The following PIK3C2A variants were observed in gnomAD, a reference collection of about 807,000 sequenced individuals.
PIK3C2A encodes the protein phosphatidylinositol 4-phosphate 3-kinase C2 domain-containing subunit alpha.
In PIK3C2A, 97 loss-of-function variants were observed where a neutral mutation model predicts 204.5. The ratio of observed to expected loss-of-function variants is 0.47; its 90% CI spans 0.40 to 0.56. The LOEUF (loss-of-function observed/expected upper bound fraction) is 0.56. PIK3C2A is among the 20% of genes least tolerant of loss of function. The probability of loss-of-function intolerance (pLI) is 0.00; values close to 1 mark genes in which losing one functional copy is unlikely to be tolerated. For missense variants in PIK3C2A, 1,735 were observed against 1,969.2 expected, an observed-to-expected ratio of 0.88 and a Z score of 2.25; for synonymous variants, 653 against 664.4, an observed-to-expected ratio of 0.98 and a Z score of 0.26.
chr11:17,147,777 A>T, intron 5 of PIK3C2A, 149 bp from the exon 6 acceptor site: 1 of 580,774 alleles, frequency 1.7e-6, no homozygotes, highest in Non-Finnish European at 3.0e-6. Flanking sequence ...TTAAACAGAG[A>T]AATTATTCTG....
intron 1 of PIK3C2A, among the ~76,000 whole-genome samples, chr11:17,192,230 T>C (rs143569047): frequency 2.8e-4 from 43 of 152,306 alleles, no homozygotes; most frequent in African/African-American, 1.0e-3. Context: ...TTGAAGATGC[T>C]CTTTGGGGAA....
At chr11:17,204,098 T>A (rs1319064323) in intron 1 of PIK3C2A, among the ~76,000 whole-genome samples, 1 of 149,756 alleles carries the variant, frequency 6.7e-6, no homozygotes, top group Admixed American at 6.7e-5. Context: ...AAAAGAGAGA[T>A]CCTCCTGCCT....
chr11:17,087,386 ATG>A lies in PIK3C2A; in HGVS notation c.*2350_*2351del, dbSNP rs1220055253. On this transcript the variant is annotated 3_prime_UTR_variant, in exon 33 of 33. Transcript: ENST00000691414. ...AAGAAATAAACTATATGTAAAATGT[ATG>A]TGTGTTTGAATGAGTAAAGAAGGCA... 3 of 152,200 alleles carry A rather than the reference ATG, an allele frequency of 2.0e-5. No homozygotes were observed. The East Asian group carries it at 5.8e-4, about 29-fold the overall frequency. The allele number at this position is 152,200 out of a possible 1,614,324, so 9.4% of individuals were successfully genotyped here.
At chr11:17,123,110 GA>G (rs2137352245) in intron 13 of PIK3C2A, among the ~76,000 whole-genome samples, 1 of 152,274 alleles carries the variant, frequency 6.6e-6, no homozygotes, top group Non-Finnish European at 1.5e-5. Flanking sequence ...ACAACTTCTA[GA>G]AATAGGAAGT....
At position 17,089,808 on chromosome 11, in the gene PIK3C2A, G is replaced by A. The variant is rs769511599; in HGVS notation, c.4991C>T (p.Pro1664Leu). The change falls in exon 33 of 33, where the codon CCT becomes CTT. Residue 1664 changes from proline to leucine, a missense_variant. Coordinates refer to ENST00000691414, the MANE Select transcript of PIK3C2A (RefSeq NM_002645.4). ...TTTGCTCAAGTTGAAATCTTTCAAA[G>A]GCAGGGTTACTCCACCCAAGAAAAA... ...ENFFLGGVTL[P>L]LKDFNLSKET... is the part of the protein sequence containing the mutation. The A allele has an allele frequency of 2.5e-6, 4 of 1,613,916 alleles. No individual in the cohort carries two copies. In the South Asian group the frequency reaches 4.4e-5, roughly 18 times the overall value.
intron 1 of PIK3C2A, among the ~76,000 whole-genome samples, chr11:17,178,724 T>C (rs1406713121): frequency 7.3e-6 from 1 of 137,104 alleles, no homozygotes; most frequent in Non-Finnish European, 1.6e-5. Context: ...TTTTTTTTTT[T>C]TTTTTTTTTT....
intron 1 of PIK3C2A, chr11:17,194,173 C>T: frequency 6.0e-6 from 4 of 668,468 alleles, no homozygotes; most frequent in Non-Finnish European, 8.5e-6. Flanking sequence ...CTTGTGCCCG[C>T]ATTGCCAAGG....
chr11:17,119,059 A>G (rs1291043469), intron 17 of PIK3C2A, among the ~76,000 whole-genome samples, 161 bp downstream of exon 17: 1 of 152,242 alleles, frequency 6.6e-6, no homozygotes, highest in Non-Finnish European at 1.5e-5. Flanking sequence ...GCAGATGACA[A>G]TAGTGGGGAA....
At position 17,136,560 on chromosome 11, in the gene PIK3C2A, A is replaced by G. The variant is rs747242700; in HGVS notation, c.1770T>C (p.Gly590=). 3 of 1,600,596 alleles carry G rather than the reference A, an allele frequency of 1.9e-6. No homozygotes were observed. The Admixed American group carries it at 5.0e-5, about 27-fold the overall frequency. The change falls in exon 9 of 33, where the codon GGT becomes GGC. Residue 590 remains glycine, a synonymous_variant. Transcript: ENST00000691414. ...AVRKICSALD[G]VETLAITESV... ...ATTCTGTAATGGCAAGAGTCTCGAC[A>G]CCATCTAAAGCACTACAGATTTTTC...
intron 21 of PIK3C2A, among the ~76,000 whole-genome samples, chr11:17,111,563 A>G (rs1393350546): frequency 6.6e-6 from 1 of 152,138 alleles, no homozygotes; most frequent in Non-Finnish European, 1.5e-5. Context: ...GAAAAGAATA[A>G]GGAGAATTTG....
intron 22 of PIK3C2A, among the ~76,000 whole-genome samples, chr11:17,107,673 T>C (rs1462715245): frequency 2.0e-5 from 3 of 152,208 alleles, no homozygotes; most frequent in Non-Finnish European, 4.4e-5. Context: ...AAAATATTAA[T>C]TGATACATTT....
chr11:17,199,593 T>C (rs889224640), intron 1 of PIK3C2A, among the ~76,000 whole-genome samples: 1 of 152,200 alleles, frequency 6.6e-6, no homozygotes, highest in Non-Finnish European at 1.5e-5. Context: ...CACAAAAGGC[T>C]AAATATTACA....
chr11:17,104,932 G>GC (rs1848758923), intron 23 of PIK3C2A, among the ~76,000 whole-genome samples: 1 of 151,964 alleles, frequency 6.6e-6, no homozygotes, highest in Non-Finnish European at 1.5e-5. Context: ...TGTTTTGCTG[G>GC]CCTCTAAGTA....
At chr11:17,157,415 G>C (rs149348813) in intron 2 of PIK3C2A, among the ~76,000 whole-genome samples, 3,298 of 145,080 alleles carry the variant, frequency 0.023, 133 homozygotes, top group African/African-American at 0.081. Context: ...AGCTGAGATC[G>C]TGCCACTGCA....
In PIK3C2A at chr11:17,094,259, AC is replaced by A; in HGVS notation, c.4451+1del. On this transcript the variant is annotated splice_donor_variant, in intron 28 of 32. Transcript: ENST00000691414. LOFTEE classifies it high-confidence loss of function. ...GATTAATGTACAAGGATGAATACAT[AC>A]CCTGGTAACTTCCAAAGTGGAAAAA... 6.2e-7 allele frequency: 1 copy of A among 1,606,008 alleles called. No homozygotes were observed.
chr11:17,191,295 C>G (rs1157881263), intron 1 of PIK3C2A, among the ~76,000 whole-genome samples: 1 of 152,146 alleles, frequency 6.6e-6, no homozygotes, highest in Non-Finnish European at 1.5e-5. Flanking sequence ...AAAGGCCAAC[C>G]ATGTGATTTA....
At chr11:17,173,973 T>C (rs1230548433) in intron 1 of PIK3C2A, among the ~76,000 whole-genome samples, 1 of 152,058 alleles carries the variant, frequency 6.6e-6, no homozygotes, top group Non-Finnish European at 1.5e-5. Context: ...CGGCTAATTT[T>C]TGTATTTTTA....
intron 1 of PIK3C2A, among the ~76,000 whole-genome samples, chr11:17,193,304 G>C (rs535528264): frequency 6.6e-6 from 1 of 152,094 alleles, no homozygotes; most frequent in Non-Finnish European, 1.5e-5. Context: ...AGATTTTTCC[G>C]CCGCAGTTAG....
rs770659792 is a variant in PIK3C2A, at chr11:17,118,691, A to G, written c.2989T>C (p.Leu997=). The change falls in exon 18 of 33, where the codon TTG becomes CTG. Residue 997 remains leucine, a synonymous_variant. Transcript: ENST00000691414. ...YLNSSLVQFL[L]SRALGNIQIA... ...TGGATATTTCCCAATGCCCTGGACAAAAGGAATTGCACTAATGAACTATTC... is the reference window on the plus strand; with the variant it reads ...TGGATATTTCCCAATGCCCTGGACAGAAGGAATTGCACTAATGAACTATTC... The G allele has an allele frequency of 1.3e-6, 2 of 1,571,310 alleles. No homozygotes were observed. Among genetic ancestry groups the G allele is most frequent in the Admixed American group, 3.4e-5 (2 of 59,206 alleles).
Sources: gnomAD v4.1 joint callset for allele counts (sites outside exome capture counted in the v4.1 genomes callset) on GRCh38, gnomAD v4.1.1 for gene constraint, MANE v1.5 for transcripts, NCBI Gene and HGNC (gene_info 2026-07-23, HGNC 2026-07-21) for gene names.